The following KCNH1 variants were observed in gnomAD, a reference collection of about 807,000 sequenced individuals.
KCNH1 encodes voltage-gated delayed rectifier potassium channel KCNH1.
A neutral mutation model predicts 69.2 loss-of-function variants in KCNH1; 27 were observed. That is an observed-to-expected ratio of 0.39 (90% CI 0.29 to 0.54). KCNH1 has a LOEUF of 0.54. Among genes scored for constraint, KCNH1 ranks in the 20% least tolerant of loss-of-function variants. The probability of loss-of-function intolerance (pLI) is 0.68; values close to 1 mark genes in which losing one functional copy is unlikely to be tolerated. For missense variants in KCNH1, 798 were observed against 1,261.6 expected, an observed-to-expected ratio of 0.63 and a Z score of 5.57; for synonymous variants, 456 against 487.7, an observed-to-expected ratio of 0.93 and a Z score of 0.86.
intron 7 of KCNH1, among the ~76,000 whole-genome samples, chr1:210,888,994 A>G (rs1000273936): frequency 6.6e-6 from 1 of 152,224 alleles, no homozygotes; most frequent in African/African-American, 2.4e-5. Context: ...AGCCGTTACC[A>G]TTCCTTCTGA....
At chr1:210,886,525 C>G (rs1043693807) in intron 7 of KCNH1, among the ~76,000 whole-genome samples, 1 of 151,856 alleles carries the variant, frequency 6.6e-6, no homozygotes, top group Non-Finnish European at 1.5e-5. Context: ...AGCAAGGGAA[C>G]AAAACTGGAT....
At chr1:210,812,079 G>A (rs1318026707) in intron 7 of KCNH1, among the ~76,000 whole-genome samples, 3 of 152,152 alleles carry the variant, frequency 2.0e-5, no homozygotes, top group African/African-American at 4.8e-5. Flanking sequence ...AGAGTGGTAC[G>A]ATGATTTTCT....
chr1:210,937,433 T>C (rs1355302542), intron 6 of KCNH1, among the ~76,000 whole-genome samples: 1 of 152,216 alleles, frequency 6.6e-6, no homozygotes, highest in Non-Finnish European at 1.5e-5. Flanking sequence ...TATGAGCACA[T>C]GATCTAGAAT....
chr1:211,058,132 A>G (rs936449851), intron 5 of KCNH1, among the ~76,000 whole-genome samples: 5 of 152,220 alleles, frequency 3.3e-5, no homozygotes, highest in African/African-American at 1.2e-4. Context: ...TTCAAACATG[A>G]AGAAAAAATA....
chr1:211,001,665 T>C (rs1471116717), intron 6 of KCNH1, among the ~76,000 whole-genome samples: 1 of 152,198 alleles, frequency 6.6e-6, no homozygotes, highest in Non-Finnish European at 1.5e-5. Context: ...CATTACTAGG[T>C]ATATATCCAA....
intron 6 of KCNH1, among the ~76,000 whole-genome samples, chr1:211,008,468 CAATT>C (rs950582198): frequency 2.6e-5 from 4 of 152,196 alleles, no homozygotes; most frequent in Non-Finnish European, 5.9e-5. Flanking sequence ...ACAACTGAAA[CAATT>C]AATACTACAC....
intron 10 of KCNH1, among the ~76,000 whole-genome samples, chr1:210,730,226 G>A (rs530543958): frequency 1.3e-4 from 20 of 152,106 alleles, no homozygotes; most frequent in Non-Finnish European, 2.2e-4. Flanking sequence ...CAAAGCTGCC[G>A]GCAGGAACTA....
chr1:210,776,632 A>G (rs1322271281), intron 9 of KCNH1, among the ~76,000 whole-genome samples: 1 of 152,180 alleles, frequency 6.6e-6, no homozygotes, highest in East Asian at 1.9e-4. Flanking sequence ...GGCCCTCACC[A>G]GAACCTGACA....
At chr1:211,117,149 T>C (rs1691597777) in intron 1 of KCNH1, among the ~76,000 whole-genome samples, 1 of 152,230 alleles carries the variant, frequency 6.6e-6, no homozygotes, top group Non-Finnish European at 1.5e-5. Context: ...CTGCTGATGC[T>C]GTGTAAGCTC....
chr1:210,881,429 T>C (rs1686491393), intron 7 of KCNH1, among the ~76,000 whole-genome samples: 1 of 152,196 alleles, frequency 6.6e-6, no homozygotes, highest in Non-Finnish European at 1.5e-5. Context: ...GAATGCAAAA[T>C]GGTATAGCCA....
chr1:210,749,228 A>C (rs2149041548), intron 10 of KCNH1, among the ~76,000 whole-genome samples: 1 of 152,276 alleles, frequency 6.6e-6, no homozygotes, highest in African/African-American at 2.4e-5. Flanking sequence ...AAGCTACCTC[A>C]GGCCACCTCA....
Position 210,919,858 on chromosome 1 carries a change from T to C in KCNH1, c.1244A>G (p.Asn415Ser). 1.2e-6 allele frequency: 2 copies of C among 1,614,214 alleles called. No homozygotes were observed. The highest frequency in any genetic ancestry group is 1.7e-6 in the Non-Finnish European group (2 of 1,180,026). ...CGCTAGTTGGTACAGCCAGCTGTTGTTGCGGATTGTCTTGGTGTCCTCGTC... is the reference window on the plus strand; with the variant it reads ...CGCTAGTTGGTACAGCCAGCTGTTGCTGCGGATTGTCTTGGTGTCCTCGTC... Reference protein sequence around the residue: ...IFDEDTKTIRNNSWLYQLAMD... With the variant: ...IFDEDTKTIRSNSWLYQLAMD... Residue 415 changes from asparagine to serine, a missense_variant, in exon 7 of 11, where the codon AAC becomes AGC. Asn to Ser is a conservative substitution (Grantham distance 46). Transcript: ENST00000271751. This position sits in a 1 kb window ranked among gnomAD's most constrained non-coding sequence, Gnocchi z 4.2.
chr1:210,988,012 C>A (rs548232956), intron 6 of KCNH1, among the ~76,000 whole-genome samples: 37 of 152,328 alleles, frequency 2.4e-4, no homozygotes, highest in African/African-American at 8.9e-4. Context: ...CTCGCTGACA[C>A]CTTGCAGTTT....
intron 7 of KCNH1, among the ~76,000 whole-genome samples, chr1:210,829,694 C>T (rs1685117531): frequency 6.6e-6 from 1 of 152,172 alleles, no homozygotes; most frequent in Non-Finnish European, 1.5e-5. Context: ...CTGCTAACTA[C>T]ATCTCTTTTA....
At chr1:210,867,422 A>C (rs964183819) in intron 7 of KCNH1, among the ~76,000 whole-genome samples, 1 of 151,840 alleles carries the variant, frequency 6.6e-6, no homozygotes, top group Non-Finnish European at 1.5e-5. Context: ...AATGTCAAGT[A>C]TAGAAAACCA....
rs141720493 is a variant in KCNH1 at position 210,873,234 on chromosome 1, G to A, written c.1462+46406C>T. Among the ~76,000 whole-genome samples the A allele has an allele frequency of 3.9e-3, 593 of 152,232 alleles. 6 individuals carry two copies. The highest frequency in any genetic ancestry group is 0.014 in the African/African-American group (565 of 41,546). ...AATCCCCTGCTTCTTGTCTTTCAACGTGACCATATGACTTTGAAAAATGAG... is the reference window on the plus strand; with the variant it reads ...AATCCCCTGCTTCTTGTCTTTCAACATGACCATATGACTTTGAAAAATGAG... On this transcript the variant is annotated intron_variant, in intron 7 of 10. Coordinates refer to ENST00000271751, the MANE Select transcript of KCNH1 (RefSeq NM_172362.3).
intron 7 of KCNH1, among the ~76,000 whole-genome samples, chr1:210,806,807 C>CA (rs1426085809): frequency 1.0e-4 from 2 of 19,218 alleles, no homozygotes; most frequent in African/African-American, 5.6e-4. Flanking sequence ...CCATCTCTAC[C>CA]AAAAAAAAAA....
chr1:210,798,318 C>T (rs552621577), intron 8 of KCNH1, among the ~76,000 whole-genome samples: 1 of 152,270 alleles, frequency 6.6e-6, no homozygotes, highest in South Asian at 2.1e-4. Flanking sequence ...GGATTACAGG[C>T]GTGAGCCACC....
At chr1:210,913,573 A>G (rs1191768526) in intron 7 of KCNH1, among the ~76,000 whole-genome samples, 1 of 152,202 alleles carries the variant, frequency 6.6e-6, no homozygotes, top group Non-Finnish European at 1.5e-5. Flanking sequence ...AAAATAGAGG[A>G]TACAGCCCAA....
Sources: gnomAD v4.1 joint callset for allele counts (sites outside exome capture counted in the v4.1 genomes callset) on GRCh38, gnomAD v4.1.1 for gene constraint, Gnocchi (gnomAD v3.1) non-coding constraint, MANE v1.5 for transcripts, NCBI Gene and HGNC (gene_info 2026-07-23, HGNC 2026-07-21) for gene names.